Variants in CABLES1 observed in about 807,000 individuals in gnomAD.
CABLES1 encodes Cdk5 and Abl enzyme substrate 1, also known as CDK5 and ABL1 enzyme substrate 1.
CABLES1 carries 36 observed loss-of-function variants against 57.8 expected under a neutral mutation model. The ratio of observed to expected loss-of-function variants is 0.62; its 90% confidence interval spans 0.48 to 0.82. CABLES1 has a LOEUF of 0.82. CABLES1 is among the 40% of genes least tolerant of loss of function. CABLES1 has a pLI of 0.00. For missense variants in CABLES1, 767 were observed against 836.6 expected, an observed-to-expected ratio of 0.92 and a Z score of 1.03; for synonymous variants, 374 against 363.0, an observed-to-expected ratio of 1.03 and a Z score of -0.35.
At chr18:23,233,542 A>G (rs2145080528) in intron 4 of CABLES1, among the ~76,000 whole-genome samples, 1 of 152,336 alleles carries the variant, frequency 6.6e-6, no homozygotes, top group East Asian at 1.9e-4. Flanking sequence ...TGGAAATAGT[A>G]AAGTGCTAAA....
At chr18:23,237,326 C>T in intron 7 of CABLES1, 81 bp downstream of exon 7, 1 of 924,434 alleles carries the variant, frequency 1.1e-6, no homozygotes. Flanking sequence ...GGGGCTTGTT[C>T]AAAGACTGCT....
rs10603023 is a variant in CABLES1 at position 23,147,979 on chromosome 18, C to CTT, written c.845+11399_845+11400dup. Among the ~76,000 whole-genome samples, 48 of 78,444 alleles carry CTT rather than the reference C, an allele frequency of 6.1e-4. 1 individual carries two copies. The highest frequency in any genetic ancestry group is 1.0e-3 in the African/African-American group (18 of 18,024). The allele number at this position is 78,444 out of a possible 152,430, so 51.5% of individuals were successfully genotyped here. A position where few individuals can be genotyped will look rare whatever the true frequency, so the allele number is the denominator to read the frequency against. ...GTCTGCGTGCTGCCTGCTTGGCCTC[C>CTT]TTTTTTTTTTTTTTTTTTTTTTTTT... is the stretch of plus-strand genomic sequence containing the variant. On this transcript the variant is annotated intron_variant, in intron 1 of 9. Transcript: ENST00000256925.
chr18:23,168,369 C>T (rs1037136252), intron 1 of CABLES1, among the ~76,000 whole-genome samples: 1 of 152,196 alleles, frequency 6.6e-6, no homozygotes, highest in Non-Finnish European at 1.5e-5. Context: ...ACAGGACAAA[C>T]AGTGTGTGCC....
intron 1 of CABLES1, among the ~76,000 whole-genome samples, chr18:23,159,550 C>T (rs930547785): frequency 1.3e-5 from 2 of 152,064 alleles, no homozygotes; most frequent in African/African-American, 4.8e-5. Context: ...TGTTTTCTAC[C>T]ATATAAACTT....
intron 4 of CABLES1, among the ~76,000 whole-genome samples, chr18:23,218,110 G>A (rs2047455885): frequency 6.6e-6 from 1 of 152,342 alleles, no homozygotes; most frequent in African/African-American, 2.4e-5. Context: ...TTCATCACAA[G>A]AAAGTTCTAA....
At chr18:23,206,659 C>T (rs770393854) in intron 3 of CABLES1, among the ~76,000 whole-genome samples, 8 of 152,214 alleles carry the variant, frequency 5.3e-5, no homozygotes, top group Non-Finnish European at 7.3e-5. Context: ...TGGATTTTTA[C>T]AATTTTTTCC....
At chr18:23,220,483 G>A (rs2047478963) in intron 4 of CABLES1, among the ~76,000 whole-genome samples, 1 of 152,128 alleles carries the variant, frequency 6.6e-6, no homozygotes, top group African/African-American at 2.4e-5. Context: ...CAGTGTGGCC[G>A]CAGATCTGCC....
chr18:23,153,481 C>T (rs1158241064), intron 1 of CABLES1, among the ~76,000 whole-genome samples: 4 of 152,008 alleles, frequency 2.6e-5, no homozygotes, highest in Non-Finnish European at 4.4e-5. Context: ...TGCCTGTAAT[C>T]CCGGCACTTT....
intron 9 of CABLES1, among the ~76,000 whole-genome samples, chr18:23,254,184 C>T (rs2048108019): frequency 6.6e-6 from 1 of 152,198 alleles, no homozygotes; most frequent in Admixed American, 6.5e-5. Flanking sequence ...TTCTCAGACA[C>T]CATGTGAGAT....
In CABLES1 at chr18:23,177,418, TACACAC is replaced by T. The variant is rs10692529; in HGVS notation, c.846-11389_846-11384del. On this transcript the variant is annotated intron_variant, in intron 1 of 9. Transcript: ENST00000256925. The stretch of plus-strand genomic sequence containing the variant: ...AAGGTGCTATGTGTGAGCACATGTG[TACACAC>T]ACACACACACACACACACACACACA... Among the ~76,000 whole-genome samples, 533 of 144,732 alleles carry T rather than the reference TACACAC, an allele frequency of 3.7e-3. 2 individuals are homozygous for T. The highest frequency in any genetic ancestry group is 0.012 in the African/African-American group (452 of 39,182). The allele number at this position is 144,732 out of a possible 152,430, so 94.9% of individuals were successfully genotyped here.
intron 3 of CABLES1, among the ~76,000 whole-genome samples, chr18:23,200,968 C>T (rs2047321162): frequency 6.6e-6 from 1 of 152,142 alleles, no homozygotes; most frequent in South Asian, 2.1e-4. Context: ...TCTCCTGCAG[C>T]ATAGATGAGT....
chr18:23,190,072 G>A lies in CABLES1; in HGVS notation c.917+1163G>A, dbSNP rs144901134. The stretch of plus-strand genomic sequence containing the variant: ...TGTGGTATGTGGCTGTGTGGCAAAC[G>A]CGGCCTGGGAACAAGTGTTACTCTG... On this transcript the variant is annotated intron_variant, in intron 2 of 9. Transcript: ENST00000256925. Among the ~76,000 whole-genome samples the A allele has an allele frequency of 8.5e-3, 1,289 of 152,278 alleles. 10 individuals are homozygous for A. The highest frequency in any genetic ancestry group is 0.024 in the Middle Eastern group (7 of 294).
At chr18:23,254,673 G>T (rs1397786592) in intron 9 of CABLES1, among the ~76,000 whole-genome samples, 1 of 152,216 alleles carries the variant, frequency 6.6e-6, no homozygotes, top group African/African-American at 2.4e-5. Context: ...TTCTGGTGAG[G>T]TTCCTCTCCT....
At chr18:23,211,669 G>T (rs143983588) in intron 3 of CABLES1, among the ~76,000 whole-genome samples, 7 of 152,256 alleles carry the variant, frequency 4.6e-5, no homozygotes, top group Non-Finnish European at 1.0e-4. Flanking sequence ...AAGAGCATTC[G>T]TAGTGGTAAA....
chr18:23,255,569 T>G (rs2048143128), intron 9 of CABLES1, among the ~76,000 whole-genome samples: 1 of 150,928 alleles, frequency 6.6e-6, no homozygotes, highest in Non-Finnish European at 1.5e-5. Flanking sequence ...TTTTTTTTTT[T>G]TTTTTTTTGA....
At chr18:23,170,889 C>T (rs2047077497) in intron 1 of CABLES1, among the ~76,000 whole-genome samples, 2 of 152,214 alleles carry the variant, frequency 1.3e-5, no homozygotes, top group African/African-American at 2.4e-5. Flanking sequence ...CTCCGCCTCC[C>T]AGGCTCCAGC....
intron 1 of CABLES1, among the ~76,000 whole-genome samples, chr18:23,176,317 G>A (rs751622100): frequency 2.6e-5 from 4 of 152,048 alleles, no homozygotes; most frequent in Non-Finnish European, 4.4e-5. Context: ...TAGATCCCTC[G>A]AGTGCACAGT....
At chr18:23,245,485 G>A (rs2047852816) in intron 7 of CABLES1, among the ~76,000 whole-genome samples, 1 of 148,444 alleles carries the variant, frequency 6.7e-6, no homozygotes, top group Non-Finnish European at 1.5e-5. Context: ...CTGGGCAACA[G>A]AGTCACCCAT....
At chr18:23,225,776 G>A (rs1173146869) in intron 4 of CABLES1, among the ~76,000 whole-genome samples, 1 of 152,186 alleles carries the variant, frequency 6.6e-6, no homozygotes, top group Non-Finnish European at 1.5e-5. Flanking sequence ...TTTGTGGTTT[G>A]GCTTGGTGAC....
Sources: gnomAD v4.1 joint callset for allele counts (sites outside exome capture counted in the v4.1 genomes callset) on GRCh38, gnomAD v4.1.1 for gene constraint, MANE v1.5 for transcripts, NCBI Gene and HGNC (gene_info 2026-07-23, HGNC 2026-07-21) for gene names.